POTEJ: variants seen among roughly 807,000 people sequenced by gnomAD.
POTEJ encodes POTE ankyrin domain family member J.
A neutral mutation model predicts 69.0 loss-of-function variants in POTEJ; 11 were observed. The observed-to-expected ratio is 0.16, with a 90% CI of 0.10 to 0.26. The LOEUF (loss-of-function observed/expected upper bound fraction) is 0.26, where lower values mean the gene tolerates loss of function less well. Ranked by LOEUF, POTEJ falls within the 10% of genes least tolerant of loss-of-function variation. POTEJ has a pLI of 1.00. For missense variants in POTEJ, 327 were observed against 1,045.5 expected, an observed-to-expected ratio of 0.31 and a Z score of 9.48; for synonymous variants, 117 against 381.1, an observed-to-expected ratio of 0.31 and a Z score of 8.07.
chr2:130,618,595 A>G (rs201614883), intron 3 of POTEJ, among the ~76,000 whole-genome samples: 2,900 of 143,358 alleles, frequency 0.02, 33 homozygotes, highest in East Asian at 0.029. Context: ...CAACAACAAC[A>G]ACGACGACGA....
chr2:130,646,855 T>C (rs1365848978), intron 13 of POTEJ, among the ~76,000 whole-genome samples: 1,079 of 142,068 alleles, frequency 7.6e-3, no homozygotes, highest in African/African-American at 0.032. Flanking sequence ...GCTCCATCCG[T>C]GTTGCTGCAG....
At chr2:130,629,011 C>A (rs570970277) in intron 6 of POTEJ, among the ~76,000 whole-genome samples, 3 of 151,142 alleles carry the variant, frequency 2.0e-5, no homozygotes, top group Non-Finnish European at 2.9e-5. Flanking sequence ...AGAGCAAGAC[C>A]CTGGCTCAAA....
chr2:130,651,980 C>CG (rs1470418827), intron 13 of POTEJ, among the ~76,000 whole-genome samples: 1 of 133,272 alleles, frequency 7.5e-6, no homozygotes, highest in Admixed American at 7.1e-5. Context: ...GGATACCCCC[C>CG]CCCAATAGTT....
intron 9 of POTEJ, among the ~76,000 whole-genome samples, chr2:130,638,052 A>G (rs1272751310): frequency 3.4e-5 from 5 of 148,502 alleles, no homozygotes; most frequent in African/African-American, 1.2e-4. Flanking sequence ...TTAGGACTTA[A>G]TAACGTTTCC....
intron 1 of POTEJ, among the ~76,000 whole-genome samples, chr2:130,613,313 CATATATATACATATGTATA>C: frequency 1.3e-5 from 1 of 76,844 alleles, no homozygotes; most frequent in East Asian, 3.1e-4. Context: ...TGTATATATA[CATATATATACATATGTATA>C]TATACATATA....
intron 1 of POTEJ, among the ~76,000 whole-genome samples, chr2:130,612,749 C>A (rs1259900254): frequency 9.0e-6 from 1 of 111,436 alleles, no homozygotes; most frequent in Non-Finnish European, 1.7e-5. Context: ...GGAGACAGAG[C>A]GAGATTCCGT....
intron 9 of POTEJ, among the ~76,000 whole-genome samples, chr2:130,636,243 T>G (rs1686084353): frequency 6.6e-6 from 1 of 152,148 alleles, no homozygotes; most frequent in African/African-American, 2.4e-5. Context: ...AAGAAACACA[T>G]TAAGGAACAT....
Position 130,646,415 on chromosome 2 carries a change from A to G in POTEJ, c.1667+105A>G. ...ACAAATTTTATACTTTTATTAGGAT[A>G]TTGAGCCTTGCCTGTTAATCAGAAA... On this transcript the variant is annotated intron_variant, in intron 13 of 14. Coordinates refer to ENST00000409602, the MANE Select transcript of POTEJ (RefSeq NM_001277083.2). 2 of 489,076 alleles carry G rather than the reference A, an allele frequency of 4.1e-6. 1 individual carries two copies. The highest frequency in any genetic ancestry group is 7.3e-6 in the Non-Finnish European group (2 of 274,654). The allele number at this position is 489,076 out of a possible 1,614,324, so 30.3% of individuals were successfully genotyped here.
chr2:130,635,235 C>T (rs1558925195), intron 9 of POTEJ, among the ~76,000 whole-genome samples: 1 of 115,772 alleles, frequency 8.6e-6, no homozygotes, highest in African/African-American at 3.4e-5. Context: ...GGTGTGATCT[C>T]AGCTCACTAC....
In POTEJ at chr2:130,656,577, A is replaced by G. The variant is rs1243655320; in HGVS notation, c.1817A>G (p.Asp606Gly). The change falls in exon 15 of 15, where the codon GAC becomes GGC. Residue 606 changes from aspartate to glycine, a missense_variant. Coordinates refer to ENST00000409602, the MANE Select transcript of POTEJ (RefSeq NM_001277083.2). ...TCTCTTAGTTGTAAGAAAGAAAGAG[A>G]CTTCTTGCATGAAAATAGTATGTTG... ...ELSLSCKKER[D>G]FLHENSMLRE... The G allele has an allele frequency of 6.2e-7, 1 of 1,609,584 alleles. No homozygotes were observed. Among genetic ancestry groups the G allele is most frequent in the Non-Finnish European group, 8.5e-7 (1 of 1,179,848 alleles).
At chr2:130,652,132 G>A (rs1023768446) in intron 13 of POTEJ, among the ~76,000 whole-genome samples, 24 of 135,860 alleles carry the variant, frequency 1.8e-4, no homozygotes, top group Admixed American at 1.7e-3. Context: ...CACAAGAGCT[G>A]ACGGTTTCAT....
At chr2:130,621,907 AT>A (rs1685561858) in intron 5 of POTEJ, among the ~76,000 whole-genome samples, 1 of 136,400 alleles carries the variant, frequency 7.3e-6, no homozygotes, top group East Asian at 2.2e-4. Flanking sequence ...CACATCTTTA[AT>A]TTTTCTGATT....
intron 10 of POTEJ, among the ~76,000 whole-genome samples, chr2:130,642,850 C>A (rs1222005688): frequency 1.3e-5 from 2 of 151,072 alleles, no homozygotes; most frequent in Admixed American, 6.6e-5. Flanking sequence ...GCGTGGCATG[C>A]CGTCACCCTT....
chr2:130,642,209 T>C (rs572561632), intron 10 of POTEJ, among the ~76,000 whole-genome samples: 5 of 139,616 alleles, frequency 3.6e-5, no homozygotes, highest in African/African-American at 1.4e-4. Flanking sequence ...AGAGTGTTTT[T>C]TTGTATGGGA....
chr2:130,641,209 A>G (rs1400822469), intron 10 of POTEJ, among the ~76,000 whole-genome samples: 1 of 152,140 alleles, frequency 6.6e-6, no homozygotes, highest in African/African-American at 2.4e-5. Flanking sequence ...GATTGATGGG[A>G]GATAATCATG....
chr2:130,618,386 C>T (rs1477700887), intron 3 of POTEJ, among the ~76,000 whole-genome samples: 5 of 151,324 alleles, frequency 3.3e-5, no homozygotes, highest in Non-Finnish European at 7.4e-5. Context: ...CAAGTCTAGG[C>T]TTTTTCTGAA....
chr2:130,643,611 T>G (rs1432500115), intron 10 of POTEJ, among the ~76,000 whole-genome samples: 1 of 143,710 alleles, frequency 7.0e-6, no homozygotes, highest in East Asian at 1.9e-4. Context: ...CTAATAAAGG[T>G]GTCAGCAGTG....
chr2:130,627,387 T>G (rs1455309264), intron 6 of POTEJ, among the ~76,000 whole-genome samples: 1 of 143,656 alleles, frequency 7.0e-6, no homozygotes, highest in African/African-American at 2.8e-5. Flanking sequence ...ACAGATGAAC[T>G]TAATGGATAA....
chr2:130,622,678 C>T (rs1450630669), intron 5 of POTEJ, among the ~76,000 whole-genome samples: 1 of 141,384 alleles, frequency 7.1e-6, no homozygotes, highest in Admixed American at 6.9e-5. Flanking sequence ...ATTGTCCCAG[C>T]TACTTCCATC....
Sources: gnomAD v4.1 joint callset for allele counts (sites outside exome capture counted in the v4.1 genomes callset) on GRCh38, gnomAD v4.1.1 for gene constraint, MANE v1.5 for transcripts, NCBI Gene and HGNC (gene_info 2026-07-23, HGNC 2026-07-21) for gene names.